Variants in NEMP2 observed in about 807,000 individuals in gnomAD.
The protein encoded by NEMP2 is nuclear envelope integral membrane protein 2, also known as UPF0571 transmembrane protein.
Under a neutral mutation model 54.2 loss-of-function variants are expected in NEMP2, and 53 were observed. The observed-to-expected ratio is 0.98, with a 90% CI of 0.78 to 1.23. The LOEUF (loss-of-function observed/expected upper bound fraction) is 1.23, where lower values mean the gene tolerates loss of function less well. NEMP2 is among the 50% of genes most tolerant of loss of function. The pLI is 0.00. For missense variants in NEMP2, 455 were observed against 511.3 expected, an observed-to-expected ratio of 0.89 and a Z score of 1.06; for synonymous variants, 197 against 190.3, an observed-to-expected ratio of 1.04 and a Z score of -0.29.
At chr2:190,624,547 T>C in the NEMP2 span, 2 of 152,316 alleles carry the variant, frequency 1.3e-5, no homozygotes, top group South Asian at 4.1e-4. Context: ...AGCCAAGATA[T>C]AGAATCAACC....
At chr2:190,642,104 T>G in the NEMP2 span, among the ~76,000 whole-genome samples, 3 of 152,226 alleles carry the variant, frequency 2.0e-5, no homozygotes, top group African/African-American at 7.2e-5. The surrounding 1 kb of genome is among the most constrained non-coding windows in gnomAD (Gnocchi z 4.1). Flanking sequence ...TTAGATGATT[T>G]CTAGGATCCC....
chr2:190,633,944 T>C, the NEMP2 span, among the ~76,000 whole-genome samples: 2 of 152,114 alleles, frequency 1.3e-5, no homozygotes, highest in African/African-American at 2.4e-5. Flanking sequence ...GGTGGTCACA[T>C]GCCTATAGTT....
chr2:190,550,395 C>T, the NEMP2 span, among the ~76,000 whole-genome samples: 68 of 152,260 alleles, frequency 4.5e-4, no homozygotes, highest in Non-Finnish European at 7.8e-4. The surrounding 1 kb of genome is among the most constrained non-coding windows in gnomAD (Gnocchi z 4.7). Flanking sequence ...TCTGCTCTCA[C>T]AACCTAATCC....
chr2:190,587,624 C>T, the NEMP2 span, among the ~76,000 whole-genome samples: 1 of 152,142 alleles, frequency 6.6e-6, no homozygotes, highest in South Asian at 2.1e-4. This position sits in a 1 kb window ranked among gnomAD's most constrained non-coding sequence, Gnocchi z 5.4. Context: ...GAGTAGTCCA[C>T]AAGCCTATTA....
the NEMP2 span, among the ~76,000 whole-genome samples, chr2:190,441,585 C>T: frequency 3.9e-5 from 6 of 152,174 alleles, no homozygotes; most frequent in African/African-American, 1.4e-4. Flanking sequence ...TCTCTCTGGC[C>T]TCTTGTAGTT....
At chr2:190,449,747 A>G in the NEMP2 span, among the ~76,000 whole-genome samples, 1 of 152,192 alleles carries the variant, frequency 6.6e-6, no homozygotes, top group Non-Finnish European at 1.5e-5. Flanking sequence ...CATCATTCTC[A>G]GTAAACTATC....
At chr2:190,424,527 G>A in the NEMP2 span, among the ~76,000 whole-genome samples, 1 of 151,942 alleles carries the variant, frequency 6.6e-6, no homozygotes, top group African/African-American at 2.4e-5. The surrounding 1 kb of genome is among the most constrained non-coding windows in gnomAD (Gnocchi z 5.9). Flanking sequence ...TAGAGATGGG[G>A]TTTCTCCATG....
chr2:190,572,873 A>ATATATG, the NEMP2 span, among the ~76,000 whole-genome samples: 1,764 of 109,538 alleles, frequency 0.016, 30 homozygotes, highest in Middle Eastern at 0.027. Flanking sequence ...ATATATATAT[A>ATATATG]TATGTATATA....
the NEMP2 span, among the ~76,000 whole-genome samples, chr2:190,574,934 G>A: frequency 1.2e-4 from 18 of 151,214 alleles, no homozygotes; most frequent in Admixed American, 7.2e-4. Context: ...AGCTCACTAC[G>A]ATCTCCACCT....
chr2:190,430,159 C>A, the NEMP2 span, among the ~76,000 whole-genome samples: 1 of 151,638 alleles, frequency 6.6e-6, no homozygotes, highest in African/African-American at 2.4e-5. Flanking sequence ...ATCCATGTCC[C>A]TGCAAAGGAC....
At chr2:190,584,718 T>A in the NEMP2 span, among the ~76,000 whole-genome samples, 3 of 151,624 alleles carry the variant, frequency 2.0e-5, no homozygotes, top group East Asian at 1.9e-4. This position sits in a 1 kb window ranked among gnomAD's most constrained non-coding sequence, Gnocchi z 4.2. Flanking sequence ...GCAAAAAAAA[T>A]TTTAAAAATT....
At chr2:190,586,107 C>T in the NEMP2 span, among the ~76,000 whole-genome samples, 15 of 152,256 alleles carry the variant, frequency 9.9e-5, no homozygotes, top group African/African-American at 2.9e-4. This position sits in a 1 kb window ranked among gnomAD's most constrained non-coding sequence, Gnocchi z 4.5. Context: ...TATCAGAATT[C>T]GTTCTGTATT....
downstream of NEMP2, chr2:190,500,412 C>T (rs986614948): frequency 1.9e-5 from 12 of 617,588 alleles, no homozygotes; most frequent in Middle Eastern, 4.4e-4. The surrounding 1 kb of genome is among the most constrained non-coding windows in gnomAD (Gnocchi z 5.3). Flanking sequence ...GGTAAACTTT[C>T]GTAATCTCAT....
Position 190,519,555 on chromosome 2 carries a change from G to C in NEMP2, c.214-372C>G, listed in dbSNP as rs1012057328. Among the ~76,000 whole-genome samples, 4 of 152,200 alleles carry C rather than the reference G, an allele frequency of 2.6e-5. No individual in the cohort carries two copies. The highest frequency in any genetic ancestry group is 1.5e-5 in the Non-Finnish European group (1 of 68,042). On this transcript the variant is annotated intron_variant, in intron 2 of 8. Coordinates refer to ENST00000409150, the MANE Select transcript of NEMP2 (RefSeq NM_001142645.2). The surrounding 1 kb of genome is among the most constrained non-coding windows in gnomAD (Gnocchi z 5.4). Reference sequence around the variant, plus strand: ...TAAAAGCTTCTTAAAAACATGAGCAGAGGAGTAAAGATAACTCAAAGTCAG... The same window carrying C: ...TAAAAGCTTCTTAAAAACATGAGCACAGGAGTAAAGATAACTCAAAGTCAG...
the NEMP2 span, among the ~76,000 whole-genome samples, chr2:190,582,661 G>A: frequency 6.6e-6 from 1 of 152,160 alleles, no homozygotes; most frequent in Non-Finnish European, 1.5e-5. This position sits in a 1 kb window ranked among gnomAD's most constrained non-coding sequence, Gnocchi z 4.6. Context: ...AGAGTTGCTG[G>A]TATGTGCTTT....
the NEMP2 span, among the ~76,000 whole-genome samples, chr2:190,493,898 T>C: frequency 6.6e-6 from 1 of 152,050 alleles, no homozygotes; most frequent in Non-Finnish European, 1.5e-5. Context: ...CCTAAATGCC[T>C]ACATCAAAAA....
At chr2:190,511,506 TAAG>T (rs1179171857) in intron 7 of NEMP2, among the ~76,000 whole-genome samples, 1 of 151,590 alleles carries the variant, frequency 6.6e-6, no homozygotes, top group Non-Finnish European at 1.5e-5. Context: ...GTAACAATAA[TAAG>T]GTTTTTAAAA....
chr2:190,493,688 G>A, the NEMP2 span, among the ~76,000 whole-genome samples: 15 of 152,006 alleles, frequency 9.9e-5, no homozygotes, highest in Admixed American at 8.5e-4. Context: ...AGACCACAGT[G>A]GAATAAAACT....
chr2:190,497,483 G>A, the NEMP2 span: 91 of 1,613,944 alleles, frequency 5.6e-5, no homozygotes, highest in Middle Eastern at 1.6e-4. This position sits in a 1 kb window ranked among gnomAD's most constrained non-coding sequence, Gnocchi z 5.2. Flanking sequence ...CTCCAGTCCC[G>A]TTCCTATAGC....
Sources: allele counts gnomAD v4.1 joint callset (sites outside exome capture counted in the v4.1 genomes callset), GRCh38; gene constraint gnomAD v4.1.1; non-coding constraint Gnocchi (gnomAD v3.1); transcripts MANE v1.5; gene names NCBI Gene and HGNC (gene_info 2026-07-23, HGNC 2026-07-21).